Variants in HPSE2 observed in about 807,000 individuals in gnomAD.
The protein encoded by HPSE2 is inactive heparanase-2.
In HPSE2, 38 loss-of-function variants were observed where a neutral mutation model predicts 60.5. The ratio of observed to expected loss-of-function variants is 0.63; its 90% confidence interval spans 0.48 to 0.82. The LOEUF is 0.82. HPSE2 is among the 40% of genes least tolerant of loss of function. The probability of loss-of-function intolerance (pLI) is 0.00; values close to 1 mark genes in which losing one functional copy is unlikely to be tolerated. For missense variants in HPSE2, 713 were observed against 740.4 expected (o/e 0.96, Z 0.43); for synonymous variants, 295 against 293.2 (o/e 1.01, Z -0.06).
At chr10:98,846,187 C>T (rs894786352) in intron 3 of HPSE2, among the ~76,000 whole-genome samples, 1 of 152,058 alleles carries the variant, frequency 6.6e-6, no homozygotes, top group Non-Finnish European at 1.5e-5. Flanking sequence ...GGATCAAAAG[C>T]CTATACCAGC....
At chr10:99,164,649 T>A (rs893649683) in intron 2 of HPSE2, among the ~76,000 whole-genome samples, 2 of 152,174 alleles carry the variant, frequency 1.3e-5, no homozygotes, top group Non-Finnish European at 2.9e-5. Context: ...CTAACTGATG[T>A]ACACATATAA....
intron 9 of HPSE2, among the ~76,000 whole-genome samples, chr10:98,579,201 T>C (rs1338655705): frequency 6.6e-6 from 1 of 152,126 alleles, no homozygotes; most frequent in Non-Finnish European, 1.5e-5. Flanking sequence ...GAAGGATATG[T>C]CTATTTGAGA....
intron 2 of HPSE2, among the ~76,000 whole-genome samples, chr10:99,178,232 T>C (rs761724108): frequency 1.5e-4 from 23 of 150,070 alleles, no homozygotes; most frequent in Non-Finnish European, 2.5e-4. Flanking sequence ...AGCAAACAAA[T>C]TGAAAAGCAA....
intron 3 of HPSE2, among the ~76,000 whole-genome samples, chr10:99,112,800 A>G (rs1426254203): frequency 1.3e-5 from 2 of 152,236 alleles, no homozygotes; most frequent in East Asian, 1.9e-4. Context: ...ACAGAACACT[A>G]AAGAATTGGT....
chr10:98,940,564 C>A (rs1954962031), intron 3 of HPSE2, among the ~76,000 whole-genome samples: 1 of 142,776 alleles, frequency 7.0e-6, no homozygotes, highest in Non-Finnish European at 1.5e-5. Context: ...AGACCAATAA[C>A]AGGCTCTGAA....
intron 3 of HPSE2, among the ~76,000 whole-genome samples, chr10:98,929,685 CTT>C (rs1954589008): frequency 7.0e-6 from 1 of 143,810 alleles, no homozygotes; most frequent in Non-Finnish European, 1.5e-5. Flanking sequence ...TTCATATTTG[CTT>C]CTATTTCGAT....
At chr10:99,299,472 T>C in the HPSE2 span, among the ~76,000 whole-genome samples, 3 of 152,382 alleles carry the variant, frequency 2.0e-5, no homozygotes, top group Admixed American at 1.3e-4. Context: ...GTTTGTTAAG[T>C]TGACCATGTC....
chr10:99,310,946 G>A, the HPSE2 span, among the ~76,000 whole-genome samples: 1 of 152,094 alleles, frequency 6.6e-6, no homozygotes, highest in African/African-American at 2.4e-5. Context: ...ACAGAATAAT[G>A]AGATCTTCAG....
At chr10:98,764,547 T>C (rs1398319211) in intron 3 of HPSE2, among the ~76,000 whole-genome samples, 1 of 152,172 alleles carries the variant, frequency 6.6e-6, no homozygotes, top group East Asian at 1.9e-4. Flanking sequence ...AATATAATTA[T>C]ATAAATAGGT....
chr10:99,043,637 G>A (rs1957792514), intron 3 of HPSE2, among the ~76,000 whole-genome samples: 1 of 152,134 alleles, frequency 6.6e-6, no homozygotes, highest in Non-Finnish European at 1.5e-5. Context: ...AATGATCCAA[G>A]AGCTGAAAGA....
intron 9 of HPSE2, among the ~76,000 whole-genome samples, chr10:98,587,954 C>T (rs1356978281): frequency 6.6e-6 from 1 of 152,146 alleles, no homozygotes; most frequent in Admixed American, 6.5e-5. Flanking sequence ...TTCTCTGTAA[C>T]CAGTTTTAGC....
At chr10:99,299,436 G>A in the HPSE2 span, among the ~76,000 whole-genome samples, 1 of 152,252 alleles carries the variant, frequency 6.6e-6, no homozygotes, top group Admixed American at 6.5e-5. Flanking sequence ...TTGGTTTTCA[G>A]AGGACCCAGG....
chr10:99,014,824 A>G (rs1459553814), intron 3 of HPSE2, among the ~76,000 whole-genome samples: 1 of 152,186 alleles, frequency 6.6e-6, no homozygotes. Flanking sequence ...GACAAATGGG[A>G]TCTAATTAAA....
rs533304390 is a variant in HPSE2 at position 98,723,830 on chromosome 10, T to C, written c.785-2002A>G. 2.6e-5 allele frequency among the ~76,000 whole-genome samples: 4 copies of C among 152,334 alleles called. No individual in the cohort carries two copies. In the South Asian group the frequency reaches 8.3e-4, roughly 32 times the overall value. On this transcript the variant is annotated intron_variant, in intron 4 of 11. Coordinates refer to ENST00000370552, the MANE Select transcript of HPSE2 (RefSeq NM_021828.5). The stretch of plus-strand genomic sequence containing the variant: ...GTGATATCCCCTTTGTCATTTTTTA[T>C]TGCGTCTATTTGATTCTTCTCTCTT...
intron 4 of HPSE2, among the ~76,000 whole-genome samples, chr10:98,736,748 T>C (rs1456068090): frequency 6.6e-6 from 1 of 152,250 alleles, no homozygotes; most frequent in Non-Finnish European, 1.5e-5. Context: ...TACCTTTAGA[T>C]ACTAAACTCC....
intron 3 of HPSE2, among the ~76,000 whole-genome samples, chr10:99,140,338 A>G (rs1050817388): frequency 6.6e-6 from 1 of 152,242 alleles, no homozygotes; most frequent in Non-Finnish European, 1.5e-5. Flanking sequence ...GAATCCTCAT[A>G]AAGGAATATT....
intron 3 of HPSE2, among the ~76,000 whole-genome samples, chr10:99,094,540 A>ATATATT (rs1843646305): frequency 1.1e-4 from 3 of 26,614 alleles, no homozygotes; most frequent in Admixed American, 1.7e-3. Flanking sequence ...ATATATATAT[A>ATATATT]TTTTTTTTTT....
chr10:98,578,300 T>C (rs542636456), intron 9 of HPSE2, among the ~76,000 whole-genome samples: 32 of 152,304 alleles, frequency 2.1e-4, no homozygotes, highest in Middle Eastern at 6.8e-3. Flanking sequence ...AAATTTTCCA[T>C]TGGAGATGGC....
chr10:98,738,440 C>G (rs1453180914), intron 4 of HPSE2, among the ~76,000 whole-genome samples: 1 of 152,082 alleles, frequency 6.6e-6, no homozygotes, highest in Non-Finnish European at 1.5e-5. Context: ...TCTAAAACAC[C>G]AAAATCAATT....
Sources: allele counts gnomAD v4.1 joint callset (sites outside exome capture counted in the v4.1 genomes callset), GRCh38; gene constraint gnomAD v4.1.1; transcripts MANE v1.5; gene names NCBI Gene and HGNC (gene_info 2026-07-23, HGNC 2026-07-21).